ATP10D: variants seen among roughly 807,000 people sequenced by gnomAD.
ATP10D encodes ATPase phospholipid transporting 10D (putative), also known as phospholipid-transporting ATPase VD.
A neutral mutation model predicts 144.8 loss-of-function variants in ATP10D; 89 were observed. The observed-to-expected ratio is 0.61, with a 90% CI of 0.52 to 0.73. The LOEUF (loss-of-function observed/expected upper bound fraction) is 0.73, where lower values mean the gene tolerates loss of function less well. ATP10D is among the 30% of genes least tolerant of loss of function. The pLI is 0.00. For missense variants in ATP10D, 1,603 were observed against 1,714.8 expected (o/e 0.93, Z 1.15); for synonymous variants, 571 against 615.1 (o/e 0.93, Z 1.06).
intron 1 of ATP10D, among the ~76,000 whole-genome samples, chr4:47,504,219 A>G (rs2109392981): frequency 6.6e-6 from 1 of 152,344 alleles, no homozygotes; most frequent in Middle Eastern, 3.4e-3. Context: ...CCCATATTAG[A>G]TATATCCATA....
chr4:47,575,403 G>A (rs1483881842), intron 18 of ATP10D, among the ~76,000 whole-genome samples: 1 of 152,116 alleles, frequency 6.6e-6, no homozygotes, highest in Non-Finnish European at 1.5e-5. Flanking sequence ...GGACTCTAGG[G>A]TCACCAACTA....
chr4:47,581,041 C>G (rs973500093), intron 20 of ATP10D, among the ~76,000 whole-genome samples: 1 of 152,084 alleles, frequency 6.6e-6, no homozygotes, highest in African/African-American at 2.4e-5. Flanking sequence ...CCAGCCTAGA[C>G]AACAGAGTGA....
At chr4:47,524,479 G>A (rs943532549) in intron 4 of ATP10D, among the ~76,000 whole-genome samples, 4 of 152,084 alleles carry the variant, frequency 2.6e-5, no homozygotes, top group Non-Finnish European at 4.4e-5. Flanking sequence ...ACTACTTAAC[G>A]TTCTGTTGTA....
At chr4:47,550,092 C>T (rs567461483) in intron 10 of ATP10D, among the ~76,000 whole-genome samples, 54 of 151,770 alleles carry the variant, frequency 3.6e-4, no homozygotes, top group Non-Finnish European at 7.2e-4. Context: ...GAGTGGCATC[C>T]AGCAATGAAA....
At chr4:47,572,311 T>C in intron 17 of ATP10D, 81 bp downstream of exon 17, 3 of 1,291,224 alleles carry the variant, frequency 2.3e-6, no homozygotes, top group Non-Finnish European at 3.4e-6. Flanking sequence ...AAATTCTCTG[T>C]GGCAGAGTGA....
At chr4:47,513,800 C>T (rs571309749) in intron 2 of ATP10D, among the ~76,000 whole-genome samples, 1 of 152,276 alleles carries the variant, frequency 6.6e-6, no homozygotes, top group South Asian at 2.1e-4. Flanking sequence ...ACCATGCTTA[C>T]GTCAGTATTT....
intron 10 of ATP10D, among the ~76,000 whole-genome samples, chr4:47,552,299 G>A (rs1718766482): frequency 6.6e-6 from 1 of 152,130 alleles, no homozygotes; most frequent in Admixed American, 6.6e-5. Flanking sequence ...TAGTGTCTTA[G>A]TCCATTCAGG....
intron 18 of ATP10D, 68 bp from the exon 19 acceptor site, chr4:47,576,705 T>C: frequency 2.0e-6 from 3 of 1,478,574 alleles, no homozygotes; most frequent in Non-Finnish European, 2.8e-6. Flanking sequence ...AATGGCAGCA[T>C]TTGGAATGTG....
At chr4:47,536,138 G>A in intron 7 of ATP10D, 105 bp downstream of exon 7, 1 of 1,358,150 alleles carries the variant, frequency 7.4e-7, no homozygotes, top group Non-Finnish European at 1.0e-6. Context: ...GGTGGATTTT[G>A]TCAGTAGTGT....
At chr4:47,582,212 A>G in intron 21 of ATP10D, 148 bp downstream of exon 21, 1 of 667,566 alleles carries the variant, frequency 1.5e-6, no homozygotes. Context: ...CTGGGTGATC[A>G]TTGAATGCCA....
At chr4:47,547,861 C>T (rs751632648) in intron 10 of ATP10D, among the ~76,000 whole-genome samples, 3 of 152,098 alleles carry the variant, frequency 2.0e-5, no homozygotes, top group East Asian at 1.9e-4. Flanking sequence ...TAGTCCAGCT[C>T]ATTTCTGTGG....
chr4:47,521,996 T>C (rs954051517), intron 3 of ATP10D, among the ~76,000 whole-genome samples: 1 of 152,238 alleles, frequency 6.6e-6, no homozygotes, highest in Non-Finnish European at 1.5e-5. Flanking sequence ...GTGTAAGGTG[T>C]GATTGCTATT....
intron 10 of ATP10D, among the ~76,000 whole-genome samples, chr4:47,548,535 A>G (rs145993079): frequency 0.014 from 2,065 of 152,268 alleles, 17 homozygotes; most frequent in Middle Eastern, 0.051. Context: ...ATCAACATCT[A>G]GCACAAAGGC....
At chr4:47,540,002 G>A (rs1414792082) in intron 9 of ATP10D, among the ~76,000 whole-genome samples, 1 of 152,120 alleles carries the variant, frequency 6.6e-6, no homozygotes, top group African/African-American at 2.4e-5. Context: ...GGGAACCAAA[G>A]TTCTAGAGGT....
intron 3 of ATP10D, among the ~76,000 whole-genome samples, chr4:47,521,240 T>C (rs1716931754): frequency 6.6e-6 from 1 of 152,174 alleles, no homozygotes; most frequent in Admixed American, 6.5e-5. Flanking sequence ...GGGCAGATAC[T>C]TCAAATAAAA....
At chr4:47,532,101 T>A (rs1249576918) in intron 5 of ATP10D, among the ~76,000 whole-genome samples, 1 of 152,228 alleles carries the variant, frequency 6.6e-6, no homozygotes, top group Non-Finnish European at 1.5e-5. Flanking sequence ...TGTTTGCTCC[T>A]GTATCATCTT....
intron 1 of ATP10D, among the ~76,000 whole-genome samples, chr4:47,508,845 T>A (rs1716163433): frequency 6.6e-6 from 1 of 152,218 alleles, no homozygotes; most frequent in African/African-American, 2.4e-5. Context: ...AAATAAGTCA[T>A]TGGGTAGAAT....
At chr4:47,579,218 T>C (rs981625438) in intron 19 of ATP10D, among the ~76,000 whole-genome samples, 2 of 152,216 alleles carry the variant, frequency 1.3e-5, no homozygotes, top group Non-Finnish European at 2.9e-5. Flanking sequence ...TACTCTTTCT[T>C]TTTTTCTCTA....
At chr4:47,517,005 A>G (rs7681149) in intron 3 of ATP10D, among the ~76,000 whole-genome samples, 79,935 of 152,176 alleles carry the variant, frequency 0.53, 21,279 homozygotes, top group East Asian at 0.81. Flanking sequence ...TACAATGATT[A>G]TGTGATGAAC....
Sources: gnomAD v4.1 joint callset for allele counts (sites outside exome capture counted in the v4.1 genomes callset) on GRCh38, gnomAD v4.1.1 for gene constraint, MANE v1.5 for transcripts, NCBI Gene and HGNC (gene_info 2026-07-23, HGNC 2026-07-21) for gene names.